ATL1: variants seen among roughly 807,000 people sequenced by gnomAD.
The protein encoded by ATL1 is atlastin GTPase 1.
A neutral mutation model predicts 75.5 loss-of-function variants in ATL1; 31 were observed. The observed-to-expected ratio is 0.41, with a 90% CI of 0.31 to 0.55. The LOEUF is 0.55. Among genes scored for constraint, ATL1 ranks in the 20% least tolerant of loss-of-function variants. The pLI is 0.27. For synonymous variants in ATL1, 226 were observed against 233.3 expected (o/e 0.97, Z 0.28); for missense variants, 405 against 662.6 (o/e 0.61, Z 4.27).
chr14:50,605,290 C>T (rs2039306771), intron 6 of ATL1, among the ~76,000 whole-genome samples: 1 of 149,288 alleles, frequency 6.7e-6, no homozygotes, highest in Admixed American at 6.6e-5. Flanking sequence ...TCTATAGGTT[C>T]CTGATTCATA....
At chr14:50,622,480 G>C (rs2039476848) in intron 10 of ATL1, among the ~76,000 whole-genome samples, 1 of 152,028 alleles carries the variant, frequency 6.6e-6, no homozygotes, top group African/African-American at 2.4e-5. Flanking sequence ...AGCCTAGCCA[G>C]CATGGTGAAA....
chr14:50,586,887 T>A (rs1468607211), intron 1 of ATL1, among the ~76,000 whole-genome samples: 1 of 152,124 alleles, frequency 6.6e-6, no homozygotes, highest in Non-Finnish European at 1.5e-5. Context: ...AAAATACAGA[T>A]AATAATAAAT....
chr14:50,630,100 T>C (rs1406402086), intron 13 of ATL1, 91 bp downstream of exon 13: 23 of 914,962 alleles, frequency 2.5e-5, no homozygotes, highest in Non-Finnish European at 3.6e-5. Context: ...AAGATGTCTT[T>C]ATGTAGATTA....
intron 1 of ATL1, among the ~76,000 whole-genome samples, chr14:50,567,769 A>C (rs1198739054): frequency 1.3e-5 from 2 of 152,118 alleles, no homozygotes; most frequent in African/African-American, 4.8e-5. Flanking sequence ...GTGTTGTTTA[A>C]TTGCCACAAA....
At chr14:50,607,144 G>T (rs2039323122) in intron 6 of ATL1, among the ~76,000 whole-genome samples, 1 of 151,960 alleles carries the variant, frequency 6.6e-6, no homozygotes, top group Admixed American at 6.6e-5. Flanking sequence ...TGGAATTTGG[G>T]AACAAGGCAG....
chr14:50,536,270 C>T (rs995576178), intron 1 of ATL1, among the ~76,000 whole-genome samples: 5 of 152,100 alleles, frequency 3.3e-5, no homozygotes, highest in African/African-American at 7.2e-5. Flanking sequence ...AACCCCATCT[C>T]TGCTAAAACT....
chr14:50,595,321 A>G (rs2039203895), intron 5 of ATL1, among the ~76,000 whole-genome samples: 1 of 152,204 alleles, frequency 6.6e-6, no homozygotes, highest in Non-Finnish European at 1.5e-5. Flanking sequence ...TTTTAAAAAT[A>G]AAATGGAAAT....
At chr14:50,631,272 AC>A (rs113398253) in intron 13 of ATL1, among the ~76,000 whole-genome samples, 31,217 of 144,686 alleles carry the variant, frequency 0.22, 4,384 homozygotes, top group African/African-American at 0.42. Flanking sequence ...AAAGTAAAAA[AC>A]AAAAACAAAA....
At chr14:50,629,951 GAT>G in intron 12 of ATL1, 42 bp from the exon 13 acceptor site, 1 of 1,487,234 alleles carries the variant, frequency 6.7e-7, no homozygotes. Flanking sequence ...AATAAAGCAG[GAT>G]ATATACTTTT....
At chr14:50,544,587 A>T (rs1365136829) in intron 1 of ATL1, among the ~76,000 whole-genome samples, 1 of 152,140 alleles carries the variant, frequency 6.6e-6, no homozygotes, top group Non-Finnish European at 1.5e-5. Context: ...TCTGCTTCTG[A>T]TGTGACTAGA....
intron 1 of ATL1, chr14:50,561,225 G>A (rs1475133385): frequency 2.0e-5 from 3 of 152,204 alleles, no homozygotes; most frequent in South Asian, 4.1e-4. Context: ...AGTTCTGGAC[G>A]GTTAGTGTGG....
Position 50,588,127 on chromosome 14 carries a change from A to T in ATL1, c.282+49A>T, listed in dbSNP as rs1436440236. Reference sequence around the variant, plus strand: ...GTTTTCTTTCTTCTGTGCTTCTGTCACTTCATGTTTTTATTTCATGGTGTT... The same window carrying T: ...GTTTTCTTTCTTCTGTGCTTCTGTCTCTTCATGTTTTTATTTCATGGTGTT... On this transcript the variant is annotated intron_variant, in intron 2 of 13. Coordinates refer to ENST00000358385, the MANE Select transcript of ATL1 (RefSeq NM_015915.5). 4 of 1,610,394 alleles carry T rather than the reference A, an allele frequency of 2.5e-6. No homozygotes were observed. In the South Asian group the frequency reaches 4.4e-5, roughly 18 times the overall value.
At position 50,613,249 on chromosome 14, in the gene ATL1, T is replaced by C. The variant is rs1237714222; in HGVS notation, c.631-10T>C. On this transcript the variant is annotated splice_polypyrimidine_tract_variant and intron_variant, in intron 6 of 13. Transcript: ENST00000358385. ...AGTCCTCATATCAATCCTTTCTTAT[T>C]ATTTTTTAGAGTCTGATATTTCTTG... is the stretch of plus-strand genomic sequence containing the variant. 5.0e-6 allele frequency: 8 copies of C among 1,606,506 alleles called. No individual in the cohort carries two copies. The highest frequency in any genetic ancestry group is 6.8e-6 in the Non-Finnish European group (8 of 1,173,976).
At chr14:50,629,020 T>C (rs2039551048) in intron 12 of ATL1, among the ~76,000 whole-genome samples, 1 of 152,196 alleles carries the variant, frequency 6.6e-6, no homozygotes, top group Non-Finnish European at 1.5e-5. Context: ...GCCTACTTTT[T>C]ATTATTCTAA....
Position 50,593,901 on chromosome 14 carries a change from C to T in ATL1, c.573+5C>T. The T allele has an allele frequency of 6.2e-7, 1 of 1,602,346 alleles. No individual in the cohort carries two copies. The highest frequency in any genetic ancestry group is 8.5e-7 in the Non-Finnish European group (1 of 1,170,180). ...GATGATCTTCAGCACCTCCAGGTAA[C>T]AATATTTATTTTCTTTTTTGTGTAT... On this transcript the variant is annotated splice_donor_5th_base_variant and intron_variant, in intron 5 of 13. Transcript: ENST00000358385.
chr14:50,537,147 CA>C (rs2038503804), intron 1 of ATL1, among the ~76,000 whole-genome samples: 1 of 152,186 alleles, frequency 6.6e-6, no homozygotes, highest in South Asian at 2.1e-4. Context: ...GTGCTGTGTG[CA>C]GCCTAGAGAC....
chr14:50,622,035 A>G (rs2039471933), intron 10 of ATL1, 136 bp downstream of exon 10: 1 of 728,788 alleles, frequency 1.4e-6, no homozygotes, highest in Admixed American at 2.1e-5. Context: ...TTACCTATTT[A>G]TGTGTTCATC....
At chr14:50,565,144 G>A (rs1417576346) in intron 1 of ATL1, among the ~76,000 whole-genome samples, 1 of 151,970 alleles carries the variant, frequency 6.6e-6, no homozygotes, top group Non-Finnish European at 1.5e-5. Flanking sequence ...AAAAAAATTA[G>A]CCGGGTGTGG....
At chr14:50,623,896 C>CA (rs11402191) in intron 11 of ATL1, among the ~76,000 whole-genome samples, 23,624 of 151,012 alleles carry the variant, frequency 0.16, 2,199 homozygotes, top group Non-Finnish European at 0.2. Context: ...ACTAAAATAA[C>CA]AAAAAAAAAT....
Sources: gnomAD v4.1 joint callset for allele counts (sites outside exome capture counted in the v4.1 genomes callset) on GRCh38, gnomAD v4.1.1 for gene constraint, MANE v1.5 for transcripts, NCBI Gene and HGNC (gene_info 2026-07-23, HGNC 2026-07-21) for gene names.